Variants in PIGX observed in about 807,000 individuals in gnomAD.
The protein encoded by PIGX is phosphatidylinositol glycan anchor biosynthesis class X.
Under a neutral mutation model 28.7 loss-of-function variants are expected in PIGX, and 24 were observed. The observed-to-expected ratio is 0.84, with a 90% CI of 0.60 to 1.17. The LOEUF is 1.17. Among genes scored for constraint, PIGX ranks in the 50% most tolerant of loss-of-function variants. The pLI is 0.00. For missense variants in PIGX, 305 were observed against 317.8 expected, an observed-to-expected ratio of 0.96 and a Z score of 0.31; for synonymous variants, 127 against 121.0, an observed-to-expected ratio of 1.05 and a Z score of -0.33.
At chr3:196,716,399 A>C (rs1475675759) in intron 1 of PIGX, among the ~76,000 whole-genome samples, 1 of 152,202 alleles carries the variant, frequency 6.6e-6, no homozygotes, top group African/African-American at 2.4e-5. Context: ...TTCAGTGAAC[A>C]AGGATTAAAA....
At chr3:196,728,211 G>C in intron 4 of PIGX, 75 bp downstream of exon 4, 2 of 1,237,158 alleles carry the variant, frequency 1.6e-6, no homozygotes, top group South Asian at 1.2e-5. Flanking sequence ...CTTCTGCTAG[G>C]CTGGCTGGCA....
intron 5 of PIGX, among the ~76,000 whole-genome samples, chr3:196,732,041 G>T (rs1255460879): frequency 1.3e-5 from 2 of 150,052 alleles, no homozygotes; most frequent in Non-Finnish European, 3.0e-5. Context: ...GGTCAGGCTG[G>T]TCTCAAACTC....
chr3:196,727,068 GAA>G (rs1177510370), intron 3 of PIGX, among the ~76,000 whole-genome samples: 1 of 152,170 alleles, frequency 6.6e-6, no homozygotes, highest in Non-Finnish European at 1.5e-5. Context: ...ACTGTCAGAG[GAA>G]AGTTAGGATG....
At chr3:196,730,603 C>T (rs1310311829) in intron 4 of PIGX, among the ~76,000 whole-genome samples, 1 of 151,878 alleles carries the variant, frequency 6.6e-6, no homozygotes, top group Non-Finnish European at 1.5e-5. Flanking sequence ...CAAAAATTAG[C>T]TGGGTGCAAT....
At chr3:196,718,939 G>C (rs1013159746) in intron 2 of PIGX, among the ~76,000 whole-genome samples, 2 of 152,116 alleles carry the variant, frequency 1.3e-5, no homozygotes, top group African/African-American at 4.8e-5. Flanking sequence ...CTTTATGACT[G>C]ACAATATTCC....
intron 5 of PIGX, 83 bp downstream of exon 5, chr3:196,731,175 A>G: frequency 2.8e-6 from 2 of 718,212 alleles, no homozygotes; most frequent in Non-Finnish European, 4.6e-6. Context: ...CATTTAAGAG[A>G]TTAGCATTTT....
chr3:196,725,656 T>C (rs1712490154), intron 3 of PIGX, among the ~76,000 whole-genome samples: 1 of 152,168 alleles, frequency 6.6e-6, no homozygotes, highest in Admixed American at 6.5e-5. Flanking sequence ...AGTGTGTATA[T>C]GTTAGGAAAC....
In PIGX at chr3:196,712,500, C is replaced by T; in HGVS notation, c.-33C>T. ...CTTCCTGCGTCCGCACCTGGCCCCG[C>T]GCGCCCCTCTCGGGCGTCCGGCTTC... On this transcript the variant is annotated 5_prime_UTR_variant, in exon 1 of 6. Coordinates refer to ENST00000392391, the MANE Select transcript of PIGX (RefSeq NM_017861.4). 1 of 1,057,518 alleles carries T rather than the reference C, an allele frequency of 9.5e-7. No individual in the cohort carries two copies. The highest frequency in any genetic ancestry group is 1.2e-6 in the Non-Finnish European group (1 of 850,584). The allele number at this position is 1,057,518 out of a possible 1,614,324, so 65.5% of individuals were successfully genotyped here.
intron 1 of PIGX, chr3:196,712,881 G>T (rs1711891649): frequency 9.3e-7 from 1 of 1,073,714 alleles, no homozygotes; most frequent in South Asian, 4.5e-5. Flanking sequence ...GGCTGGACTG[G>T]CCGCCCTGTT....
intron 2 of PIGX, among the ~76,000 whole-genome samples, chr3:196,719,620 G>A (rs1248882390): frequency 2.6e-5 from 4 of 151,950 alleles, no homozygotes; most frequent in Admixed American, 1.3e-4. Context: ...GTTTTATCAG[G>A]ATAGCTTCAT....
intron 5 of PIGX, among the ~76,000 whole-genome samples, chr3:196,731,915 C>T (rs1440511143): frequency 6.6e-6 from 1 of 151,814 alleles, no homozygotes; most frequent in East Asian, 1.9e-4. Flanking sequence ...CAACCTCCGC[C>T]TCCCTGTTCA....
chr3:196,722,499 A>C lies in PIGX; in HGVS notation c.261A>C (p.Ala87=). The change falls in exon 3 of 6, where the codon GCA becomes GCC. Residue 87 remains alanine, a synonymous_variant. Transcript: ENST00000392391. Reference sequence around the variant, plus strand: ...TCTTAATTAAACAGGACATTCCTGCAGGACTTTATGTGGATCCGTATGAGT... The same window carrying C: ...TCTTAATTAAACAGGACATTCCTGCCGGACTTTATGTGGATCCGTATGAGT... 1 of 1,613,474 alleles carries C rather than the reference A, an allele frequency of 6.2e-7. No homozygotes were observed. Among genetic ancestry groups the C allele is most frequent in the Non-Finnish European group, 8.5e-7 (1 of 1,179,404 alleles).
At position 196,712,461 on chromosome 3, in the gene PIGX, G is replaced by A. The variant is rs1711855803; in HGVS notation, c.-72G>A. 4.5e-6 allele frequency: 3 copies of A among 671,330 alleles called. No individual in the cohort carries two copies. The highest frequency in any genetic ancestry group is 4.0e-6 in the Non-Finnish European group (2 of 502,422). The allele number at this position is 671,330 out of a possible 1,614,324, so 41.6% of individuals were successfully genotyped here. Reference sequence around the variant, plus strand: ...TGGGGCAGCGCGCGGTAGGAGCTGCGGGCGGCCAGGCCCCTTCCTGCGTCC... The same window carrying A: ...TGGGGCAGCGCGCGGTAGGAGCTGCAGGCGGCCAGGCCCCTTCCTGCGTCC... On this transcript the variant is annotated 5_prime_UTR_variant, in exon 1 of 6. Coordinates refer to ENST00000392391, the MANE Select transcript of PIGX (RefSeq NM_017861.4).
intron 5 of PIGX, among the ~76,000 whole-genome samples, chr3:196,732,123 A>T (rs1228952502): frequency 1.4e-5 from 2 of 145,978 alleles, no homozygotes; most frequent in African/African-American, 2.5e-5. Context: ...ACCACACCTG[A>T]CTTCAGTTGC....
At chr3:196,721,749 T>A (rs6802758) in intron 2 of PIGX, among the ~76,000 whole-genome samples, 5,931 of 150,882 alleles carry the variant, frequency 0.039, 122 homozygotes, top group Non-Finnish European at 0.045. Context: ...CCCCGGCCTA[T>A]TTTTTCTTTT....
intron 3 of PIGX, among the ~76,000 whole-genome samples, chr3:196,723,705 C>T (rs1316429606): frequency 6.7e-6 from 1 of 149,930 alleles, no homozygotes; most frequent in African/African-American, 2.5e-5. Flanking sequence ...GAGACACTGT[C>T]TTAGTTGATA....
Position 196,716,973 on chromosome 3 carries a change from G to A in PIGX, c.176+52G>A, listed in dbSNP as rs1577669682. ...TATTAAAATAATGTGTCATATAATT[G>A]AGAGCAAAAAATTGATGGTTGAAAT... On this transcript the variant is annotated intron_variant, in intron 2 of 5. Coordinates refer to ENST00000392391, the MANE Select transcript of PIGX (RefSeq NM_017861.4). 9 of 1,101,646 alleles carry A rather than the reference G, an allele frequency of 8.2e-6. No homozygotes were observed. In the East Asian group the frequency reaches 2.2e-4, roughly 26 times the overall value. The allele number at this position is 1,101,646 out of a possible 1,614,324, so 68.2% of individuals were successfully genotyped here.
At chr3:196,712,672 G>C (rs1711873897) in intron 1 of PIGX, 28 bp downstream of exon 1, 3 of 1,180,134 alleles carry the variant, frequency 2.5e-6, no homozygotes, top group Non-Finnish European at 3.1e-6. Flanking sequence ...TGGGGGGCCA[G>C]AGCGTGGGAG....
chr3:196,714,058 A>G (rs1427463474), intron 1 of PIGX, among the ~76,000 whole-genome samples: 4 of 152,188 alleles, frequency 2.6e-5, no homozygotes, highest in Admixed American at 1.3e-4. Flanking sequence ...TCTGGTGTAC[A>G]TACCAGTAGA....
Sources: gnomAD v4.1 joint callset for allele counts (sites outside exome capture counted in the v4.1 genomes callset) on GRCh38, gnomAD v4.1.1 for gene constraint, MANE v1.5 for transcripts, NCBI Gene and HGNC (gene_info 2026-07-23, HGNC 2026-07-21) for gene names.